The following FOLH1 variants were observed in gnomAD, a reference collection of about 807,000 sequenced individuals.
FOLH1 encodes glutamate carboxypeptidase 2.
A neutral mutation model predicts 93.9 loss-of-function variants in FOLH1; 54 were observed. The ratio of observed to expected loss-of-function variants is 0.57; its 90% CI spans 0.46 to 0.72. The LOEUF (loss-of-function observed/expected upper bound fraction) is 0.72. Ranked by LOEUF, FOLH1 falls within the 30% of genes least tolerant of loss-of-function variation. The probability of loss-of-function intolerance (pLI) is 0.00; values close to 1 mark genes in which losing one functional copy is unlikely to be tolerated. For missense variants in FOLH1, 571 were observed against 892.5 expected, an observed-to-expected ratio of 0.64 and a Z score of 4.59; for synonymous variants, 249 against 303.6, an observed-to-expected ratio of 0.82 and a Z score of 1.87.
At chr11:49,196,525 T>C (rs1300459782) in intron 3 of FOLH1, among the ~76,000 whole-genome samples, 4 of 152,246 alleles carry the variant, frequency 2.6e-5, no homozygotes, top group Middle Eastern at 6.8e-3. Flanking sequence ...AGACTAAACA[T>C]GCTATGAGTA....
intron 2 of FOLH1, among the ~76,000 whole-genome samples, chr11:49,201,257 T>TAG (rs984319357): frequency 2.7e-5 from 4 of 145,698 alleles, no homozygotes; most frequent in African/African-American, 1.0e-4. Context: ...CATGAAAAGA[T>TAG]ATATATATAT....
intron 4 of FOLH1, 71 bp downstream of exon 4, chr11:49,192,722 T>A: frequency 7.4e-7 from 1 of 1,346,146 alleles, no homozygotes; most frequent in Non-Finnish European, 1.0e-6. Context: ...GACCCTTTAA[T>A]TATCGGCTGA....
At chr11:49,157,499 A>T (rs2851544) in intron 14 of FOLH1, among the ~76,000 whole-genome samples, 5 of 152,028 alleles carry the variant, frequency 3.3e-5, no homozygotes, top group Admixed American at 1.3e-4. Context: ...AGAACATTTT[A>T]AAAAATGCTG....
intron 17 of FOLH1, among the ~76,000 whole-genome samples, chr11:49,149,366 G>A (rs1856197617): frequency 6.6e-6 from 1 of 152,094 alleles, no homozygotes; most frequent in Non-Finnish European, 1.5e-5. Flanking sequence ...CCTCAGTGAG[G>A]AAATGTAGCT....
At chr11:49,196,669 C>A (rs189430919) in intron 3 of FOLH1, among the ~76,000 whole-genome samples, 1 of 152,088 alleles carries the variant, frequency 6.6e-6, no homozygotes, top group Non-Finnish European at 1.5e-5. Context: ...ATCGCATGCT[C>A]ATCTTAAAGA....
intron 3 of FOLH1, among the ~76,000 whole-genome samples, chr11:49,195,927 G>A (rs1862569389): frequency 6.6e-6 from 1 of 152,156 alleles, no homozygotes; most frequent in Non-Finnish European, 1.5e-5. Context: ...AGGCCGAGGC[G>A]GGTGGATTAC....
At chr11:49,196,599 A>C (rs1339572135) in intron 3 of FOLH1, among the ~76,000 whole-genome samples, 1 of 144,706 alleles carries the variant, frequency 6.9e-6, no homozygotes, top group Non-Finnish European at 1.5e-5. Flanking sequence ...AGTTCAAAAA[A>C]TATAAGATTA....
intron 7 of FOLH1, among the ~76,000 whole-genome samples, chr11:49,177,515 C>G (rs1204629295): frequency 6.6e-6 from 1 of 151,928 alleles, no homozygotes; most frequent in Non-Finnish European, 1.5e-5. Flanking sequence ...GAGTCCTCAG[C>G]AGAGCTTCCC....
At chr11:49,201,111 A>G (rs1863209270) in intron 2 of FOLH1, among the ~76,000 whole-genome samples, 1 of 151,980 alleles carries the variant, frequency 6.6e-6, no homozygotes, top group Non-Finnish European at 1.5e-5. Flanking sequence ...CTAATTTCTC[A>G]TTTAATATAT....
chr11:49,176,067 T>C (rs1859989432), intron 7 of FOLH1, 110 bp from the exon 8 acceptor site: 1 of 935,600 alleles, frequency 1.1e-6, no homozygotes, highest in Admixed American at 2.4e-5. Context: ...CTTTAATGAG[T>C]GCAAAGTGCT....
intron 17 of FOLH1, among the ~76,000 whole-genome samples, chr11:49,152,420 C>T (rs935440333): frequency 3.9e-5 from 6 of 152,092 alleles, no homozygotes; most frequent in Admixed American, 3.9e-4. Flanking sequence ...GCATGGAGAG[C>T]ATATGCTTCA....
chr11:49,189,765 T>G (rs1861826150), intron 4 of FOLH1, among the ~76,000 whole-genome samples: 1 of 152,142 alleles, frequency 6.6e-6, no homozygotes, highest in South Asian at 2.1e-4. Flanking sequence ...TAATGAGCAT[T>G]AAAGTTAATA....
chr11:49,188,655 G>A (rs924110123), intron 4 of FOLH1, among the ~76,000 whole-genome samples: 2 of 152,098 alleles, frequency 1.3e-5, no homozygotes, highest in African/African-American at 2.4e-5. Flanking sequence ...TGCAATGAGT[G>A]GGACAGTGAA....
intron 3 of FOLH1, among the ~76,000 whole-genome samples, chr11:49,198,594 A>G (rs554743533): frequency 2.0e-5 from 3 of 152,278 alleles, no homozygotes; most frequent in Admixed American, 2.0e-4. Flanking sequence ...ATATGTATAC[A>G]TTTTAACATT....
chr11:49,205,987 A>C, intron 2 of FOLH1, 80 bp downstream of exon 2: 1 of 1,342,582 alleles, frequency 7.4e-7, no homozygotes. Context: ...TCCAGTTCCT[A>C]TATATAAAAT....
intron 4 of FOLH1, among the ~76,000 whole-genome samples, chr11:49,188,642 G>T (rs202706): frequency 0.89 from 135,677 of 152,150 alleles, 60,518 homozygotes; most frequent in South Asian, 0.95. Context: ...ATATATCTTT[G>T]AATGCAATGA....
intron 2 of FOLH1, among the ~76,000 whole-genome samples, chr11:49,203,715 T>A (rs1382250146): frequency 6.6e-6 from 1 of 152,212 alleles, no homozygotes; most frequent in African/African-American, 2.4e-5. Flanking sequence ...TTAATCTTGC[T>A]GAGGGTCCAA....
intron 7 of FOLH1, among the ~76,000 whole-genome samples, chr11:49,177,335 A>C (rs1365188274): frequency 6.6e-6 from 1 of 152,204 alleles, no homozygotes; most frequent in Non-Finnish European, 1.5e-5. Context: ...AGCAACATGA[A>C]GAGGCATTTT....
chr11:49,193,756 G>T (rs1394159001), intron 3 of FOLH1, among the ~76,000 whole-genome samples: 2 of 152,166 alleles, frequency 1.3e-5, no homozygotes, highest in African/African-American at 4.8e-5. Context: ...CTTTGCCTTA[G>T]ATGGATCTAT....
Sources: allele counts gnomAD v4.1 joint callset (sites outside exome capture counted in the v4.1 genomes callset), GRCh38; gene constraint gnomAD v4.1.1; transcripts MANE v1.5; gene names NCBI Gene and HGNC (gene_info 2026-07-23, HGNC 2026-07-21).